Variants in DCC observed in about 807,000 individuals in gnomAD.
DCC encodes the protein DCC netrin 1 receptor, also known as netrin receptor DCC.
A neutral mutation model predicts 172.5 loss-of-function variants in DCC; 58 were observed. The observed-to-expected ratio is 0.34, with a 90% CI of 0.27 to 0.42. The LOEUF (loss-of-function observed/expected upper bound fraction) is 0.42. Ranked by LOEUF, DCC falls within the 10% of genes least tolerant of loss-of-function variation. The probability of loss-of-function intolerance (pLI) is 1.00; values close to 1 mark genes in which losing one functional copy is unlikely to be tolerated. For missense variants in DCC, 1,740 were observed against 1,791.0 expected (o/e 0.97, Z 0.51); for synonymous variants, 709 against 644.5 (o/e 1.10, Z -1.52).
chr18:53,335,759 A>G (rs961284877), intron 14 of DCC, among the ~76,000 whole-genome samples: 1 of 152,136 alleles, frequency 6.6e-6, no homozygotes, highest in Non-Finnish European at 1.5e-5. Context: ...TACCCGAGAC[A>G]GGGCAATTTA....
chr18:52,556,652 A>G (rs1233655397), intron 1 of DCC, among the ~76,000 whole-genome samples: 33 of 152,100 alleles, frequency 2.2e-4, no homozygotes, highest in Non-Finnish European at 7.3e-5. Flanking sequence ...CATGTAACGT[A>G]TGTACTAGCA....
intron 1 of DCC, among the ~76,000 whole-genome samples, chr18:52,711,901 T>C (rs1599038881): frequency 6.6e-6 from 1 of 152,206 alleles, no homozygotes; most frequent in African/African-American, 2.4e-5. Flanking sequence ...CCACTTTCTA[T>C]GTGTACATTT....
intron 2 of DCC, among the ~76,000 whole-genome samples, chr18:52,762,890 A>G (rs1400228400): frequency 6.6e-6 from 1 of 152,168 alleles, no homozygotes; most frequent in Non-Finnish European, 1.5e-5. Flanking sequence ...TCACATCTGC[A>G]TATTTCCCGT....
intron 1 of DCC, among the ~76,000 whole-genome samples, chr18:52,387,942 G>A (rs914806972): frequency 3.3e-5 from 5 of 151,986 alleles, no homozygotes; most frequent in Non-Finnish European, 5.9e-5. Context: ...CACCAATCAT[G>A]CTCCACTGCC....
chr18:53,373,709 C>T (rs1599078132), intron 15 of DCC, among the ~76,000 whole-genome samples: 2 of 152,068 alleles, frequency 1.3e-5, no homozygotes, highest in East Asian at 3.8e-4. Flanking sequence ...TGAGTATATA[C>T]TCAAATGCAC....
At chr18:52,736,848 T>TG (rs146756536) in intron 1 of DCC, among the ~76,000 whole-genome samples, 6,157 of 152,182 alleles carry the variant, frequency 0.04, 401 homozygotes, top group African/African-American at 0.14. Flanking sequence ...GGTGGATATC[T>TG]GGGGTCACAT....
chr18:53,519,744 G>A (rs138284946), intron 27 of DCC, among the ~76,000 whole-genome samples: 48 of 148,440 alleles, frequency 3.2e-4, no homozygotes, highest in African/African-American at 1.1e-3. Context: ...TCAGTGTTAA[G>A]TGTTGTTCTC....
At chr18:52,569,130 T>A (rs1008569083) in intron 1 of DCC, among the ~76,000 whole-genome samples, 2 of 152,212 alleles carry the variant, frequency 1.3e-5, no homozygotes, top group African/African-American at 2.4e-5. Flanking sequence ...GGATGTTTAT[T>A]GCCAGCTACA....
chr18:52,947,391 G>A (rs551796261), intron 5 of DCC, among the ~76,000 whole-genome samples: 1 of 152,210 alleles, frequency 6.6e-6, no homozygotes, highest in East Asian at 1.9e-4. Context: ...ATCTAAGCAA[G>A]ACCAGTTTGG....
intron 11 of DCC, among the ~76,000 whole-genome samples, chr18:53,208,651 C>T (rs2055696226): frequency 6.6e-6 from 1 of 152,136 alleles, no homozygotes; most frequent in African/African-American, 2.4e-5. Flanking sequence ...TAGACACAAA[C>T]ACACACATTT....
At chr18:53,060,620 A>G (rs1040275976) in intron 5 of DCC, among the ~76,000 whole-genome samples, 4 of 152,182 alleles carry the variant, frequency 2.6e-5, no homozygotes, top group African/African-American at 9.6e-5. Context: ...CAACTATAAT[A>G]ATACGGCTAA....
chr18:53,091,811 A>ATATC (rs750251115), intron 7 of DCC, among the ~76,000 whole-genome samples: 28,565 of 140,994 alleles, frequency 0.2, 3,546 homozygotes, highest in East Asian at 0.42. Flanking sequence ...CACTGTACAT[A>ATATC]TATCTATCTA....
intron 7 of DCC, among the ~76,000 whole-genome samples, chr18:53,071,528 A>C (rs2042651154): frequency 6.6e-6 from 1 of 152,198 alleles, no homozygotes; most frequent in Non-Finnish European, 1.5e-5. Flanking sequence ...CTCTCTCTAT[A>C]GAACACATGC....
intron 7 of DCC, among the ~76,000 whole-genome samples, chr18:53,148,138 T>C (rs1263513776): frequency 2.0e-5 from 3 of 152,202 alleles, no homozygotes; most frequent in Non-Finnish European, 4.4e-5. Flanking sequence ...TTTAGTAGTG[T>C]CTCATAACCA....
intron 7 of DCC, among the ~76,000 whole-genome samples, chr18:53,142,519 T>C (rs1250156481): frequency 2.0e-5 from 3 of 152,202 alleles, no homozygotes; most frequent in African/African-American, 7.2e-5. Flanking sequence ...TACTCTTTTT[T>C]AGACAAACAC....
At chr18:53,055,603 C>T (rs2042392984) in intron 5 of DCC, among the ~76,000 whole-genome samples, 1 of 152,110 alleles carries the variant, frequency 6.6e-6, no homozygotes, top group Non-Finnish European at 1.5e-5. Flanking sequence ...AGGCTAGAAA[C>T]CAACTTAACC....
At chr18:53,487,410 A>C (rs1044934793) in intron 26 of DCC, among the ~76,000 whole-genome samples, 3 of 152,120 alleles carry the variant, frequency 2.0e-5, no homozygotes, top group Non-Finnish European at 4.4e-5. Context: ...TTAAAAATTA[A>C]TTATCAGAAA....
intron 1 of DCC, among the ~76,000 whole-genome samples, chr18:52,544,228 TC>T (rs1239209646): frequency 6.6e-6 from 1 of 152,192 alleles, no homozygotes; most frequent in African/African-American, 2.4e-5. Context: ...AAGTCATTAT[TC>T]CGTTTGAACC....
chr18:52,652,041 A>G (rs765608815), intron 1 of DCC, among the ~76,000 whole-genome samples: 8 of 152,210 alleles, frequency 5.3e-5, no homozygotes, highest in Non-Finnish European at 1.0e-4. Context: ...GTTCCCATTG[A>G]CTCAAGGAAA....
Sources: gnomAD v4.1 joint callset for allele counts (sites outside exome capture counted in the v4.1 genomes callset) on GRCh38, gnomAD v4.1.1 for gene constraint, MANE v1.5 for transcripts, NCBI Gene and HGNC (gene_info 2026-07-23, HGNC 2026-07-21) for gene names.